Variants in PDE12 observed in about 807,000 individuals in gnomAD.
PDE12 encodes phosphodiesterase 12.
Under a neutral mutation model 45.4 loss-of-function variants are expected in PDE12, and 26 were observed. The ratio of observed to expected loss-of-function variants is 0.57; its 90% CI spans 0.42 to 0.79. PDE12 has a LOEUF of 0.79. PDE12 is among the 30% of genes least tolerant of loss of function. The probability of loss-of-function intolerance (pLI) is 0.00; values close to 1 mark genes in which losing one functional copy is unlikely to be tolerated. For synonymous variants in PDE12, 283 were observed against 323.9 expected, an observed-to-expected ratio of 0.87 and a Z score of 1.36; for missense variants, 668 against 790.0, an observed-to-expected ratio of 0.85 and a Z score of 1.85.
the PDE12 span, among the ~76,000 whole-genome samples, chr3:57,594,824 TGTCA>T: frequency 2.6e-5 from 4 of 152,340 alleles, no homozygotes; most frequent in Admixed American, 1.3e-4. Context: ...TTATTTTTGC[TGTCA>T]GTCACTCATA....
the PDE12 span, among the ~76,000 whole-genome samples, chr3:57,647,309 A>T: frequency 1.3e-5 from 2 of 152,184 alleles, no homozygotes; most frequent in Non-Finnish European, 2.9e-5. Flanking sequence ...ACAACAAAAA[A>T]ACAGCTCATG....
chr3:57,609,093 G>A, the PDE12 span, among the ~76,000 whole-genome samples: 27 of 152,042 alleles, frequency 1.8e-4, no homozygotes, highest in African/African-American at 4.1e-4. Context: ...ACTCAAAACC[G>A]CTCAACTACA....
chr3:57,590,029 G>A, the PDE12 span, among the ~76,000 whole-genome samples: 23 of 146,280 alleles, frequency 1.6e-4, no homozygotes, highest in African/African-American at 2.3e-4. Context: ...AGGTGGAGGC[G>A]CAGTGAGTCG....
the PDE12 span, among the ~76,000 whole-genome samples, chr3:57,621,760 A>G: frequency 6.6e-6 from 1 of 152,246 alleles, no homozygotes; most frequent in Non-Finnish European, 1.5e-5. Flanking sequence ...GTAGAACTAA[A>G]TCAAAATTAA....
chr3:57,557,349 T>C lies in PDE12; in HGVS notation c.970T>C (p.Tyr324His). 6.2e-7 allele frequency: 1 copy of C among 1,613,918 alleles called. No homozygotes were observed. Among genetic ancestry groups the C allele is most frequent in the Non-Finnish European group, 8.5e-7 (1 of 1,180,002 alleles). Residue 324 changes from tyrosine (Y) to histidine (H), a missense_variant, in exon 1 of 3, where the codon TAC becomes CAC. Tyr to His is a moderately conservative substitution (Grantham distance 83). Transcript: ENST00000311180. Reference sequence around the variant, plus strand: ...GGTTCTGTACCCATACTGTGCCCCCTACGCCCTGGAGCTCGACTACCGCCA... The same window carrying C: ...GGTTCTGTACCCATACTGTGCCCCCCACGCCCTGGAGCTCGACTACCGCCA... ...RTVLYPYCAP[Y>H]ALELDYRQNL...
chr3:57,654,225 G>A, the PDE12 span, among the ~76,000 whole-genome samples: 2 of 152,020 alleles, frequency 1.3e-5, no homozygotes, highest in Admixed American at 6.6e-5. Flanking sequence ...AAAGTGCCGG[G>A]ATTACAGGTG....
the PDE12 span, among the ~76,000 whole-genome samples, chr3:57,647,703 G>C: frequency 7.9e-5 from 12 of 152,148 alleles, no homozygotes; most frequent in African/African-American, 2.7e-4. Flanking sequence ...CCTGGAGTAG[G>C]GTAAGCACAC....
the PDE12 span, among the ~76,000 whole-genome samples, chr3:57,618,627 T>TTTTTTTTTTG: frequency 7.3e-6 from 1 of 136,844 alleles, no homozygotes; most frequent in Non-Finnish European, 1.6e-5. Flanking sequence ...TTTTTTTTTT[T>TTTTTTTTTTG]GAGATGGAGT....
At chr3:57,568,488 A>G (rs2069806318), downstream of PDE12, among the ~76,000 whole-genome samples, 1 of 152,162 alleles carries the variant, frequency 6.6e-6, no homozygotes, top group South Asian at 2.1e-4. Context: ...AAGTGACCTG[A>G]AAGTAATTAC....
the PDE12 span, among the ~76,000 whole-genome samples, chr3:57,579,322 T>G: frequency 6.6e-6 from 1 of 151,092 alleles, no homozygotes; most frequent in South Asian, 2.1e-4. Flanking sequence ...TATATCTTTT[T>G]TTTCACCCAG....
the PDE12 span, among the ~76,000 whole-genome samples, chr3:57,617,917 TGTG>T: frequency 6.8e-6 from 1 of 147,416 alleles, no homozygotes; most frequent in African/African-American, 2.5e-5. Context: ...ATAAAGAAAA[TGTG>T]GTACATATAC....
At chr3:57,589,318 C>T in the PDE12 span, among the ~76,000 whole-genome samples, 7 of 151,790 alleles carry the variant, frequency 4.6e-5, no homozygotes, top group African/African-American at 1.2e-4. Context: ...TTCCCAGCTA[C>T]GTGGGAGGCT....
At chr3:57,628,183 A>G in the PDE12 span, 1 of 1,605,318 alleles carries the variant, frequency 6.2e-7, no homozygotes. Context: ...ATGATGCATA[A>G]TCCTTTTTGG....
In PDE12 at chr3:57,564,636, T is replaced by G. The variant is rs555015435; in HGVS notation, c.*4632T>G. On this transcript the variant is annotated 3_prime_UTR_variant, in exon 3 of 3. Coordinates refer to ENST00000311180, the MANE Select transcript of PDE12 (RefSeq NM_177966.7). ...GGGGAAATGGATAGGCTTTATTTAG[T>G]TGGCTTTCTTATACTGGATAATATA... 2 of 152,154 alleles carry G rather than the reference T, an allele frequency of 1.3e-5. No homozygotes were observed. 9.4% of individuals were successfully genotyped at this position (152,154 alleles called of 1,614,324 possible).
At chr3:57,623,899 A>C in the PDE12 span, among the ~76,000 whole-genome samples, 3 of 152,336 alleles carry the variant, frequency 2.0e-5, no homozygotes, top group South Asian at 6.2e-4. Flanking sequence ...GGGGAGGCAA[A>C]ATAAACAGAA....
chr3:57,628,725 G>A, the PDE12 span: 44 of 1,369,360 alleles, frequency 3.2e-5, no homozygotes, highest in Non-Finnish European at 4.1e-5. Context: ...TTACTTCTGC[G>A]AACTATCATG....
rs889214783 is a variant in PDE12, at chr3:57,561,948, T to C, written c.*1944T>C. 2 of 984,850 alleles carry C rather than the reference T, an allele frequency of 2.0e-6. No individual in the cohort carries two copies. The highest frequency in any genetic ancestry group is 2.4e-6 in the Non-Finnish European group (2 of 829,384). 61.0% of individuals were successfully genotyped at this position (984,850 alleles called of 1,614,324 possible). A position where few individuals can be genotyped will look rare whatever the true frequency, so the allele number is the denominator to read the frequency against. On this transcript the variant is annotated 3_prime_UTR_variant, in exon 3 of 3. Coordinates refer to ENST00000311180, the MANE Select transcript of PDE12 (RefSeq NM_177966.7). ...GAAAAAACTATAAATAAAAAATTGA[T>C]GCTACCAAATTGTGCCTTCCTAAAT...
At chr3:57,614,114 A>G in the PDE12 span, among the ~76,000 whole-genome samples, 2 of 152,090 alleles carry the variant, frequency 1.3e-5, no homozygotes, top group Non-Finnish European at 1.5e-5. Flanking sequence ...TATATACAAC[A>G]AACAGGCAGA....
chr3:57,602,854 A>T, the PDE12 span, among the ~76,000 whole-genome samples: 2 of 151,948 alleles, frequency 1.3e-5, no homozygotes, highest in African/African-American at 2.4e-5. Context: ...TACAGGCGTG[A>T]GCCACCACGT....
Sources: allele counts gnomAD v4.1 joint callset (sites outside exome capture counted in the v4.1 genomes callset), GRCh38; gene constraint gnomAD v4.1.1; transcripts MANE v1.5; gene names NCBI Gene and HGNC (gene_info 2026-07-23, HGNC 2026-07-21).